PTPRD: variants seen among roughly 807,000 people sequenced by gnomAD.
PTPRD encodes receptor-type tyrosine-protein phosphatase delta.
PTPRD carries 34 observed loss-of-function variants against 214.5 expected under a neutral mutation model. That is an observed-to-expected ratio of 0.16 (90% CI 0.12 to 0.21). PTPRD has a LOEUF of 0.21. Ranked by LOEUF, PTPRD falls within the 10% of genes least tolerant of loss-of-function variation. The pLI is 1.00. For missense variants in PTPRD, 2,545 were observed against 2,398.7 expected (o/e 1.06, Z -1.27); for synonymous variants, 1,128 against 845.7 (o/e 1.33, Z -5.79).
At position 8,404,571 on chromosome 9, in the gene PTPRD, A is replaced by G. The variant is rs1424270865; in HGVS notation, c.4176T>C (p.Tyr1392=). Residue 1392 remains tyrosine (Y), a synonymous_variant, in exon 36 of 46, where the codon TAT becomes TAC. Transcript: ENST00000381196. The part of the protein sequence containing the change: ...PKNRYANVIA[Y]DHSRVLLSAI... ...CTGATAGGAGAACCCGGGAATGATC[A>G]TATGCGATTACATTCGCGTATCTAT... The G allele has an allele frequency of 2.5e-6, 4 of 1,613,376 alleles. No individual in the cohort carries two copies. Among genetic ancestry groups the G allele is most frequent in the South Asian group, 2.2e-5 (2 of 91,056 alleles).
rs5896343 is a variant in PTPRD, at chr9:9,620,866, GAA to G, written c.-286-46087_-286-46086del. Among the ~76,000 whole-genome samples the G allele has an allele frequency of 3.4e-3, 476 of 139,410 alleles. 4 individuals are homozygous for G. The highest frequency in any genetic ancestry group is 9.7e-3 in the African/African-American group (377 of 38,836). The allele number at this position is 139,410 out of a possible 152,430, so 91.5% of individuals were successfully genotyped here. A position where few individuals can be genotyped will look rare whatever the true frequency, so the allele number is the denominator to read the frequency against. On this transcript the variant is annotated intron_variant, in intron 7 of 45. Transcript: ENST00000381196. Reference sequence around the variant, plus strand: ...TCTAAATGCAAATTGAAAGAGAGGAGAAAAAAAAAAAAAAGAGCAAAGCATTA... The same window carrying G: ...TCTAAATGCAAATTGAAAGAGAGGAGAAAAAAAAAAAAGAGCAAAGCATTA...
intron 28 of PTPRD, 77 bp downstream of exon 28, chr9:8,485,685 A>G: frequency 7.8e-7 from 1 of 1,281,454 alleles, no homozygotes; most frequent in Admixed American, 2.4e-5. Flanking sequence ...CTGATCAGTT[A>G]TTATAGCTTC....
chr9:9,952,050 T>G (rs754456535), intron 4 of PTPRD, among the ~76,000 whole-genome samples: 1 of 152,082 alleles, frequency 6.6e-6, no homozygotes, highest in Non-Finnish European at 1.5e-5. Flanking sequence ...GGCAAAGTAT[T>G]GAGGAGGGAC....
At chr9:8,356,161 T>C (rs1347946278) in intron 39 of PTPRD, among the ~76,000 whole-genome samples, 2 of 152,200 alleles carry the variant, frequency 1.3e-5, no homozygotes, top group Non-Finnish European at 2.9e-5. Flanking sequence ...TGAAAATATA[T>C]GGAATTATCT....
At chr9:10,391,274 T>G (rs1462954577) in intron 2 of PTPRD, among the ~76,000 whole-genome samples, 3 of 151,830 alleles carry the variant, frequency 2.0e-5, no homozygotes. Context: ...GATATTTGAT[T>G]ATTTTTGTGG....
Position 9,060,197 on chromosome 9 carries a change from C to T in PTPRD, c.-142-41462G>A, listed in dbSNP as rs190746972. Among the ~76,000 whole-genome samples, 18 of 152,172 alleles carry T rather than the reference C, an allele frequency of 1.2e-4. No homozygotes were observed. In the South Asian group the frequency reaches 1.7e-3, roughly 14 times the overall value. On this transcript the variant is annotated intron_variant, in intron 10 of 45. Coordinates refer to ENST00000381196, the MANE Select transcript of PTPRD (RefSeq NM_002839.4). ...ATTAACTAAAACTGACATTGGTTTA[C>T]GCATAGGAAAAATGACCAGTGTAAC...
intron 9 of PTPRD, among the ~76,000 whole-genome samples, chr9:9,372,711 T>C (rs925540847): frequency 1.3e-5 from 2 of 152,188 alleles, no homozygotes; most frequent in African/African-American, 2.4e-5. Context: ...CTAGCCTTGA[T>C]GGTCTTTACA....
chr9:8,518,949 A>T (rs1190571282), intron 20 of PTPRD, among the ~76,000 whole-genome samples: 3 of 152,224 alleles, frequency 2.0e-5, no homozygotes, highest in Admixed American at 2.0e-4. Context: ...AATAAATGGT[A>T]TAACTGAAAT....
At chr9:8,379,159 G>C (rs986184906) in intron 37 of PTPRD, among the ~76,000 whole-genome samples, 1 of 152,042 alleles carries the variant, frequency 6.6e-6, no homozygotes, top group Non-Finnish European at 1.5e-5. Context: ...TTTTAAAGCG[G>C]ATATGTCTAA....
chr9:9,172,789 C>A (rs992765580), intron 10 of PTPRD, among the ~76,000 whole-genome samples: 7 of 152,120 alleles, frequency 4.6e-5, no homozygotes, highest in African/African-American at 1.7e-4. Flanking sequence ...ACTCCCAAAG[C>A]CATCATCTTA....
chr9:9,692,487 TG>T (rs1256744451), intron 7 of PTPRD, among the ~76,000 whole-genome samples: 2 of 152,006 alleles, frequency 1.3e-5, no homozygotes, highest in African/African-American at 4.8e-5. Flanking sequence ...TTAGTTTATG[TG>T]TCTGTTTTTA....
intron 3 of PTPRD, among the ~76,000 whole-genome samples, chr9:10,187,022 G>T (rs1192390390): frequency 6.6e-6 from 1 of 152,138 alleles, no homozygotes; most frequent in Non-Finnish European, 1.5e-5. Context: ...TAACAGGAGA[G>T]AAAAGGTATT....
At chr9:9,019,572 C>T (rs1003242020) in intron 10 of PTPRD, among the ~76,000 whole-genome samples, 8 of 151,916 alleles carry the variant, frequency 5.3e-5, no homozygotes, top group Non-Finnish European at 1.2e-4. Context: ...CAGGCGTGGT[C>T]GTGTGCATCT....
At chr9:8,774,171 T>C (rs919725336) in intron 11 of PTPRD, among the ~76,000 whole-genome samples, 1 of 152,198 alleles carries the variant, frequency 6.6e-6, no homozygotes, top group Non-Finnish European at 1.5e-5. Flanking sequence ...AAAGTTGGGG[T>C]GCACAGGATA....
At chr9:8,447,201 A>T (rs2095764830) in intron 34 of PTPRD, among the ~76,000 whole-genome samples, 1 of 152,116 alleles carries the variant, frequency 6.6e-6, no homozygotes, top group Admixed American at 6.5e-5. Flanking sequence ...CTCCTCCTCT[A>T]CTACAGCTCC....
At chr9:10,386,296 C>G (rs753386609) in intron 2 of PTPRD, among the ~76,000 whole-genome samples, 18 of 152,020 alleles carry the variant, frequency 1.2e-4, no homozygotes, top group Non-Finnish European at 2.2e-4. Context: ...AATTTCCCCT[C>G]CTTTCCACAT....
intron 3 of PTPRD, among the ~76,000 whole-genome samples, chr9:10,080,990 G>A (rs576224071): frequency 6.6e-6 from 1 of 151,886 alleles, no homozygotes; most frequent in Non-Finnish European, 1.5e-5. Context: ...GAGACTGTAG[G>A]TACATCATTT....
At chr9:9,996,758 T>C (rs954791176) in intron 4 of PTPRD, among the ~76,000 whole-genome samples, 5 of 152,202 alleles carry the variant, frequency 3.3e-5, no homozygotes, top group African/African-American at 1.2e-4. Flanking sequence ...AGTGGCTTCA[T>C]ACGGCAAGGA....
chr9:10,580,774 C>G (rs747311336), intron 2 of PTPRD, among the ~76,000 whole-genome samples: 10 of 152,154 alleles, frequency 6.6e-5, no homozygotes, highest in Non-Finnish European at 1.2e-4. Flanking sequence ...GGGTAGTACA[C>G]CTAGTCTCAT....
Sources: gnomAD v4.1 joint callset for allele counts (sites outside exome capture counted in the v4.1 genomes callset) on GRCh38, gnomAD v4.1.1 for gene constraint, MANE v1.5 for transcripts, NCBI Gene and HGNC (gene_info 2026-07-23, HGNC 2026-07-21) for gene names.